USP34: variants seen among roughly 807,000 people sequenced by gnomAD.
The protein encoded by USP34 is ubiquitin carboxyl-terminal hydrolase 34.
Under a neutral mutation model 460.3 loss-of-function variants are expected in USP34, and 70 were observed. The ratio of observed to expected loss-of-function variants is 0.15; its 90% CI spans 0.13 to 0.19. The LOEUF (loss-of-function observed/expected upper bound fraction) is 0.19. Among genes scored for constraint, USP34 ranks in the 10% least tolerant of loss-of-function variants. USP34 has a pLI of 1.00. For missense variants in USP34, 3,985 were observed against 4,236.2 expected (o/e 0.94, Z 1.65); for synonymous variants, 1,647 against 1,405.3 (o/e 1.17, Z -3.85).
intron 29 of USP34, among the ~76,000 whole-genome samples, chr2:61,297,745 CTTTA>C (rs1690072008): frequency 6.6e-6 from 1 of 151,988 alleles, no homozygotes; most frequent in African/African-American, 2.4e-5. Flanking sequence ...GCAAGAAAAT[CTTTA>C]TTTTTTTTTT....
intron 35 of USP34, among the ~76,000 whole-genome samples, chr2:61,284,613 T>C (rs1401662541): frequency 6.6e-6 from 1 of 152,166 alleles, no homozygotes; most frequent in South Asian, 2.1e-4. Context: ...AACAAAGTAC[T>C]GGTGAACAGT....
At chr2:61,380,418 C>T (rs1558560528) in intron 6 of USP34, 57 bp from the exon 7 acceptor site, 5 of 1,511,510 alleles carry the variant, frequency 3.3e-6, no homozygotes, top group Non-Finnish European at 4.5e-6. Flanking sequence ...TTTTAAAGAC[C>T]ACTCAGTAAC....
intron 10 of USP34, among the ~76,000 whole-genome samples, chr2:61,351,602 T>TTAAAATATA (rs1691944467): frequency 6.6e-6 from 1 of 152,188 alleles, no homozygotes; most frequent in African/African-American, 2.4e-5. Flanking sequence ...AAAAAATCTA[T>TTAAAATATA]TAAAATATAG....
In USP34 at chr2:61,344,008, T is replaced by C; in HGVS notation, c.2307A>G (p.Leu769=). 1 of 1,613,826 alleles carries C rather than the reference T, an allele frequency of 6.2e-7. No homozygotes were observed. The highest frequency in any genetic ancestry group is 8.5e-7 in the Non-Finnish European group (1 of 1,179,882). ...TACTACAACTGACATCATCTGCACTTAGCATATCATCAACCATATGCCTAC... is the reference window on the plus strand; with the variant it reads ...TACTACAACTGACATCATCTGCACTCAGCATATCATCAACCATATGCCTAC... ...HHDGHMVDDM[L]SADDVSCSSS... is the part of the protein sequence containing the mutation. Residue 769 remains leucine, a synonymous_variant, in exon 16 of 80, where the codon CTA becomes CTG. Transcript: ENST00000398571.
chr2:61,372,913 T>A (rs929296339), intron 8 of USP34, among the ~76,000 whole-genome samples: 1 of 151,988 alleles, frequency 6.6e-6, no homozygotes, highest in Non-Finnish European at 1.5e-5. Context: ...AACCAAGAAG[T>A]AGAACAAACT....
At chr2:61,402,230 T>A (rs576312345) in intron 3 of USP34, among the ~76,000 whole-genome samples, 1 of 152,138 alleles carries the variant, frequency 6.6e-6, no homozygotes, top group East Asian at 1.9e-4. Context: ...TGGTGACCAA[T>A]GATCACACCA....
chr2:61,385,874 T>C (rs1267559677), intron 5 of USP34, among the ~76,000 whole-genome samples: 1 of 149,696 alleles, frequency 6.7e-6, no homozygotes, highest in Non-Finnish European at 1.5e-5. Flanking sequence ...CGCGCACCTG[T>C]AATCCCAGCT....
At chr2:61,268,944 T>C (rs1381402157) in intron 41 of USP34, among the ~76,000 whole-genome samples, 1 of 152,166 alleles carries the variant, frequency 6.6e-6, no homozygotes, top group African/African-American at 2.4e-5. Context: ...GTCCTAATAA[T>C]AAATGTAATG....
In USP34 at chr2:61,319,182, G is replaced by A. The variant is rs1266919612; in HGVS notation, c.3159C>T (p.Phe1053=). ...AMGMETYKHL[F]LEKMPQLKPE... ...AGAGAAATGTAATTACCTTCTCCAG[G>A]AAAAGATGTTTGTAGGTTTCCATAC... The change falls in exon 22 of 80, where the codon TTC becomes TTT. Residue 1053 remains phenylalanine (F), a synonymous_variant. Transcript: ENST00000398571. 5.8e-6 allele frequency: 9 copies of A among 1,557,766 alleles called. No homozygotes were observed. Among genetic ancestry groups the A allele is most frequent in the Middle Eastern group, 1.7e-4 (1 of 5,912 alleles).
At chr2:61,401,934 C>A (rs1326054357) in intron 3 of USP34, among the ~76,000 whole-genome samples, 1 of 150,652 alleles carries the variant, frequency 6.6e-6, no homozygotes, top group Non-Finnish European at 1.5e-5. Context: ...CACAGAATTA[C>A]ACATAATTAT....
intron 1 of USP34, among the ~76,000 whole-genome samples, chr2:61,454,491 TTA>T (rs548354122): frequency 4.5e-4 from 68 of 152,218 alleles, no homozygotes; most frequent in African/African-American, 1.6e-3. Flanking sequence ...ATCCATGGAG[TTA>T]TAGAGAAAAC....
intron 15 of USP34, among the ~76,000 whole-genome samples, chr2:61,345,587 A>C (rs1319176296): frequency 6.6e-6 from 1 of 152,238 alleles, no homozygotes; most frequent in Non-Finnish European, 1.5e-5. Flanking sequence ...CAATCACATT[A>C]GTTAGCCCAG....
At chr2:61,373,720 A>C (rs558681404) in intron 8 of USP34, among the ~76,000 whole-genome samples, 2 of 152,348 alleles carry the variant, frequency 1.3e-5, no homozygotes, top group East Asian at 3.9e-4. Context: ...TATTCTACAG[A>C]GTCACTGCAA....
intron 15 of USP34, among the ~76,000 whole-genome samples, chr2:61,347,477 G>T (rs1183994095): frequency 6.6e-6 from 1 of 152,134 alleles, no homozygotes; most frequent in African/African-American, 2.4e-5. Context: ...AGGTTCAAGT[G>T]ATTCTCCTGC....
chr2:61,276,592 T>C (rs1325764495), intron 41 of USP34, among the ~76,000 whole-genome samples: 2 of 152,202 alleles, frequency 1.3e-5, no homozygotes, highest in African/African-American at 4.8e-5. Context: ...TCTAAAATTA[T>C]TTTTTCTTAA....
intron 1 of USP34, among the ~76,000 whole-genome samples, chr2:61,435,428 G>GTACTCTGTT (rs1387111917): frequency 2.2e-4 from 33 of 150,594 alleles, no homozygotes; most frequent in African/African-American, 8.0e-4. Flanking sequence ...GGCAAGGAGT[G>GTACTCTGTT]AATGGGATTA....
At chr2:61,238,564 G>C (rs1450913370) in intron 53 of USP34, among the ~76,000 whole-genome samples, 1 of 152,002 alleles carries the variant, frequency 6.6e-6, no homozygotes, top group Non-Finnish European at 1.5e-5. Context: ...GTTATCCTTT[G>C]GGATTAATAA....
At position 61,424,821 on chromosome 2, in the gene USP34, T is replaced by C. The variant is rs534048122; in HGVS notation, c.44-3988A>G. On this transcript the variant is annotated intron_variant, in intron 1 of 79. Coordinates refer to ENST00000398571, the MANE Select transcript of USP34 (RefSeq NM_014709.4). ...GGAGTTCAGGAAATCCAAACTGTAG[T>C]TTAATGGAAGCCACTGAATTTTTTT... Among the ~76,000 whole-genome samples the C allele has an allele frequency of 1.1e-4, 16 of 152,224 alleles. No individual in the cohort carries two copies. The South Asian group carries it at 2.3e-3, about 22-fold the overall frequency.
At chr2:61,191,444 A>G (rs765012573) in intron 76 of USP34, 4 of 152,168 alleles carry the variant, frequency 2.6e-5, no homozygotes, top group Non-Finnish European at 4.4e-5. Flanking sequence ...TGCAGCTGTC[A>G]TAAGTAAATT....
Sources: allele counts gnomAD v4.1 joint callset (sites outside exome capture counted in the v4.1 genomes callset), GRCh38; gene constraint gnomAD v4.1.1; transcripts MANE v1.5; gene names NCBI Gene and HGNC (gene_info 2026-07-23, HGNC 2026-07-21).